Variants in CNTNAP4 observed in about 807,000 individuals in gnomAD.
CNTNAP4 encodes the protein contactin associated protein family member 4.
Under a neutral mutation model 148.4 loss-of-function variants are expected in CNTNAP4, and 98 were observed. The ratio of observed to expected loss-of-function variants is 0.66; its 90% CI spans 0.56 to 0.78. CNTNAP4 has a LOEUF of 0.78. Among genes scored for constraint, CNTNAP4 ranks in the 30% least tolerant of loss-of-function variants. The probability of loss-of-function intolerance (pLI) is 0.00; values close to 1 mark genes in which losing one functional copy is unlikely to be tolerated. For missense variants in CNTNAP4, 1,935 were observed against 1,565.6 expected (o/e 1.24, Z -3.98); for synonymous variants, 730 against 565.1 (o/e 1.29, Z -4.14).
chr16:76,298,232 C>T (rs1022219218), intron 1 of CNTNAP4, among the ~76,000 whole-genome samples: 2 of 152,152 alleles, frequency 1.3e-5, no homozygotes, highest in Non-Finnish European at 2.9e-5. Context: ...AGGTCTTCAT[C>T]TGGAGGCCAT....
chr16:76,553,712 A>C, intron 22 of CNTNAP4, 124 bp from the exon 23 acceptor site: 1 of 677,844 alleles, frequency 1.5e-6, no homozygotes, highest in South Asian at 2.0e-5. Flanking sequence ...CTTAAATTGA[A>C]AATAACAGAG....
chr16:76,335,692 A>G (rs1963960390), intron 2 of CNTNAP4, among the ~76,000 whole-genome samples: 1 of 152,208 alleles, frequency 6.6e-6, no homozygotes, highest in South Asian at 2.1e-4. Context: ...CTGAACAAAG[A>G]AAAGTCACGA....
chr16:76,456,032 C>T (rs901661886), intron 8 of CNTNAP4, among the ~76,000 whole-genome samples: 1 of 152,164 alleles, frequency 6.6e-6, no homozygotes, highest in Non-Finnish European at 1.5e-5. Context: ...AGAGAGAGAA[C>T]GTTCTAGGCC....
At chr16:76,294,379 G>A (rs911548490) in intron 1 of CNTNAP4, among the ~76,000 whole-genome samples, 10 of 152,094 alleles carry the variant, frequency 6.6e-5, no homozygotes, top group Non-Finnish European at 1.3e-4. Context: ...CACTAGAGTT[G>A]ACATCAGATG....
rs562940680 is a variant in CNTNAP4, at chr16:76,522,034, T to C, written c.2537-5T>C. 1 of 1,613,672 alleles carries C rather than the reference T, an allele frequency of 6.2e-7. No individual in the cohort carries two copies. The highest frequency in any genetic ancestry group is 1.7e-5 in the Admixed American group (1 of 60,008). On this transcript the variant is annotated splice_polypyrimidine_tract_variant and splice_region_variant and intron_variant, in intron 16 of 23. Transcript: ENST00000611870. ...TAGAACAATCTTTATGTGTAATATT[T>C]CCAGCTCCGACAGTAGTGACTTTTT...
At chr16:76,341,642 C>T (rs1237180109) in intron 2 of CNTNAP4, among the ~76,000 whole-genome samples, 1 of 152,026 alleles carries the variant, frequency 6.6e-6, no homozygotes, top group Non-Finnish European at 1.5e-5. Flanking sequence ...ATCTATAGGG[C>T]ATCCATGAAT....
At chr16:76,419,130 C>T (rs2079088434) in intron 3 of CNTNAP4, among the ~76,000 whole-genome samples, 1 of 151,956 alleles carries the variant, frequency 6.6e-6, no homozygotes, top group Non-Finnish European at 1.5e-5. Flanking sequence ...CCTTCACAAG[C>T]ATATCTCTGG....
chr16:76,291,049 C>T (rs913984939), intron 1 of CNTNAP4, among the ~76,000 whole-genome samples: 1 of 152,140 alleles, frequency 6.6e-6, no homozygotes, highest in South Asian at 2.1e-4. Context: ...CTTACAACCT[C>T]ATTTAAACAT....
intron 2 of CNTNAP4, among the ~76,000 whole-genome samples, chr16:76,333,139 C>T (rs1333424341): frequency 6.6e-6 from 1 of 152,172 alleles, no homozygotes; most frequent in Non-Finnish European, 1.5e-5. Context: ...GGTCTTGTCA[C>T]CTAGAAATCT....
chr16:76,328,737 C>G (rs760808684), intron 2 of CNTNAP4, among the ~76,000 whole-genome samples: 16 of 152,100 alleles, frequency 1.1e-4, no homozygotes, highest in Non-Finnish European at 2.1e-4. Context: ...CCTCCGCCTC[C>G]CAGGTTCAAG....
At chr16:76,361,928 G>A (rs2144553033) in intron 3 of CNTNAP4, among the ~76,000 whole-genome samples, 1 of 152,246 alleles carries the variant, frequency 6.6e-6, no homozygotes, top group East Asian at 1.9e-4. Context: ...GACTGGAAAT[G>A]TTGAGTATCT....
rs1255461155 is a variant in CNTNAP4 at position 76,560,164 on chromosome 16, C to T, written c.*1481C>T. 2.0e-5 allele frequency among the ~76,000 whole-genome samples: 3 copies of T among 152,202 alleles called. No individual in the cohort carries two copies. The highest frequency in any genetic ancestry group is 4.4e-5 in the Non-Finnish European group (3 of 68,018). ...CAATAAAGGCACTCTATTATACATA[C>T]TCACACCTTCAAGTGCCTCCCAAGT... On this transcript the variant is annotated 3_prime_UTR_variant, in exon 24 of 24. Transcript: ENST00000611870.
intron 1 of CNTNAP4, among the ~76,000 whole-genome samples, chr16:76,290,557 T>G (rs558220369): frequency 6.6e-6 from 1 of 152,278 alleles, no homozygotes; most frequent in South Asian, 2.1e-4. Context: ...CCCAAAGACC[T>G]ATTCACTTCC....
intron 3 of CNTNAP4, among the ~76,000 whole-genome samples, chr16:76,406,256 T>C (rs994215292): frequency 6.6e-6 from 1 of 152,144 alleles, no homozygotes; most frequent in Non-Finnish European, 1.5e-5. Flanking sequence ...GTTACTATTG[T>C]AATATCACGC....
intron 4 of CNTNAP4, among the ~76,000 whole-genome samples, chr16:76,442,772 C>T (rs777377391): frequency 6.6e-6 from 1 of 152,080 alleles, no homozygotes; most frequent in Non-Finnish European, 1.5e-5. Context: ...ATGGTTCAAA[C>T]CCTTTCCACT....
At chr16:76,384,317 C>G (rs183300452) in intron 3 of CNTNAP4, among the ~76,000 whole-genome samples, 131 of 152,208 alleles carry the variant, frequency 8.6e-4, no homozygotes, top group African/African-American at 3.0e-3. Flanking sequence ...GCTGGGATTA[C>G]AGGCTTGAGC....
intron 10 of CNTNAP4, among the ~76,000 whole-genome samples, chr16:76,474,520 A>C (rs1186650951): frequency 6.6e-6 from 1 of 152,204 alleles, no homozygotes; most frequent in Non-Finnish European, 1.5e-5. Flanking sequence ...TTTTATAAGC[A>C]AAACGGGAAG....
At chr16:76,373,489 C>G (rs949266691) in intron 3 of CNTNAP4, among the ~76,000 whole-genome samples, 5 of 152,090 alleles carry the variant, frequency 3.3e-5, no homozygotes, top group African/African-American at 7.2e-5. Flanking sequence ...AAATTTACTC[C>G]TTTCAGAAAT....
At chr16:76,355,089 A>G (rs1425954061) in intron 2 of CNTNAP4, among the ~76,000 whole-genome samples, 1 of 152,208 alleles carries the variant, frequency 6.6e-6, no homozygotes, top group African/African-American at 2.4e-5. Flanking sequence ...TAGTTCTCCC[A>G]GTTTTAGAAG....
Sources: allele counts gnomAD v4.1 joint callset (sites outside exome capture counted in the v4.1 genomes callset), GRCh38; gene constraint gnomAD v4.1.1; transcripts MANE v1.5; gene names NCBI Gene and HGNC (gene_info 2026-07-23, HGNC 2026-07-21).